SDHAF2: variants seen among roughly 807,000 people sequenced by gnomAD.
The protein encoded by SDHAF2 is succinate dehydrogenase complex assembly factor 2.
SDHAF2 carries 21 observed loss-of-function variants against 18.5 expected under a neutral mutation model. The ratio of observed to expected loss-of-function variants is 1.13; its 90% CI spans 0.80 to 1.63. SDHAF2 has a LOEUF of 1.63. Among genes scored for constraint, SDHAF2 ranks in the 40% most tolerant of loss-of-function variants. SDHAF2 has a pLI of 0.00. For synonymous variants in SDHAF2, 84 were observed against 70.7 expected (o/e 1.19, Z -0.94); for missense variants, 195 against 200.3 (o/e 0.97, Z 0.16).
chr11:61,442,030 G>A (rs1366947055), intron 3 of SDHAF2, among the ~76,000 whole-genome samples: 1 of 151,696 alleles, frequency 6.6e-6, no homozygotes, highest in African/African-American at 2.4e-5. Context: ...ACTACAGGCC[G>A]GCAGCACCAT....
At chr11:61,438,858 A>G (rs1862030018) in intron 3 of SDHAF2, among the ~76,000 whole-genome samples, 1 of 152,094 alleles carries the variant, frequency 6.6e-6, no homozygotes, top group Admixed American at 6.6e-5. Flanking sequence ...CAGCCTGGCC[A>G]ACACAGCGAA....
intron 1 of SDHAF2, 172 bp downstream of exon 1, chr11:61,430,354 C>T (rs1861851177): frequency 4.0e-6 from 3 of 755,432 alleles, no homozygotes. Context: ...CGCTTCCATT[C>T]TTTGGTGAGC....
At chr11:61,444,084 T>A (rs1347340832) in intron 3 of SDHAF2, 1 of 152,274 alleles carries the variant, frequency 6.6e-6, no homozygotes, top group Non-Finnish European at 1.5e-5. Flanking sequence ...GTGTCTGTGG[T>A]TTTATACACT....
At chr11:61,431,098 C>T (rs1255587471) in intron 1 of SDHAF2, 1 of 151,978 alleles carries the variant, frequency 6.6e-6, no homozygotes, top group Admixed American at 6.6e-5. Flanking sequence ...GAACTTGGCT[C>T]ACTGCAACCT....
Position 61,446,717 on chromosome 11 carries a change from A to T in SDHAF2, c.*646A>T, listed in dbSNP as rs965017891. 2.5e-6 allele frequency: 1 copy of T among 399,378 alleles called. No individual in the cohort carries two copies. Among genetic ancestry groups the T allele is most frequent in the Non-Finnish European group, 4.4e-6 (1 of 226,632 alleles). 24.7% of individuals were successfully genotyped at this position (399,378 alleles called of 1,614,324 possible). A position where few individuals can be genotyped will look rare whatever the true frequency, so the allele number is the denominator to read the frequency against. On this transcript the variant is annotated 3_prime_UTR_variant, in exon 4 of 4. Coordinates refer to ENST00000301761, the MANE Select transcript of SDHAF2 (RefSeq NM_017841.4). ...TAATTTGAAAGAGAATTATTAAAGC[A>T]TACTGAAAAAAGGAAATTTACAATT...
chr11:61,430,187 GGAGA>G lies in SDHAF2; in HGVS notation c.36+10_36+13del, dbSNP rs1157688980. 6.2e-7 allele frequency: 1 copy of G among 1,614,228 alleles called. No individual in the cohort carries two copies. On this transcript the variant is annotated splice_donor_region_variant and intron_variant, in intron 1 of 3. Coordinates refer to ENST00000301761, the MANE Select transcript of SDHAF2 (RefSeq NM_017841.4). ...GTGTTCTCGACTTCGTCGCTGGTGA[GGAGA>G]GAGAACGTTCTAGCGTCCGGGGCGG...
Position 61,446,538 on chromosome 11 carries a change from C to T in SDHAF2, c.*467C>T, listed in dbSNP as rs1862140963. ...ACTCCCCACTTCCAACCTGGTATGGCTCCTTCTGCGAAGGGAAGCTGATCC... is the reference window on the plus strand; with the variant it reads ...ACTCCCCACTTCCAACCTGGTATGGTTCCTTCTGCGAAGGGAAGCTGATCC... On this transcript the variant is annotated 3_prime_UTR_variant, in exon 4 of 4. Transcript: ENST00000301761. 2.1e-6 allele frequency: 1 copy of T among 473,122 alleles called. No homozygotes were observed. The highest frequency in any genetic ancestry group is 3.7e-6 in the Non-Finnish European group (1 of 270,112). The allele number at this position is 473,122 out of a possible 1,614,324, so 29.3% of individuals were successfully genotyped here. A position where few individuals can be genotyped will look rare whatever the true frequency, so the allele number is the denominator to read the frequency against.
chr11:61,438,357 AC>A lies in SDHAF2; in HGVS notation c.370+247del, dbSNP rs1157332313. 5.1e-5 allele frequency: 30 copies of A among 584,746 alleles called. No homozygotes were observed. In the East Asian group the frequency reaches 7.9e-4, roughly 15 times the overall value. The allele number at this position is 584,746 out of a possible 1,614,324, so 36.2% of individuals were successfully genotyped here. On this transcript the variant is annotated intron_variant, in intron 3 of 3. Transcript: ENST00000301761. The stretch of plus-strand genomic sequence containing the variant: ...TGGGATTACAGGCATGTGTCACCAC[AC>A]CCGGGTAATTTTATATTTTTAATAG...
intron 3 of SDHAF2, among the ~76,000 whole-genome samples, chr11:61,441,887 CT>C (rs71046723): frequency 5.8e-4 from 81 of 140,646 alleles, no homozygotes; most frequent in South Asian, 9.1e-4. Flanking sequence ...CCACTCCTCC[CT>C]TTTTTTTTTT....
chr11:61,437,628 C>T lies in SDHAF2; in HGVS notation c.40C>T (p.Leu14Phe), dbSNP rs1273048863. 2 of 1,613,250 alleles carry T rather than the reference C, an allele frequency of 1.2e-6. No individual in the cohort carries two copies. The highest frequency in any genetic ancestry group is 1.7e-6 in the Non-Finnish European group (2 of 1,179,292). The change falls in exon 2 of 4, where the codon CTT becomes TTT. Residue 14 changes from leucine (L) to phenylalanine (F), a missense_variant. Leu to Phe is a conservative substitution (Grantham distance 22). Transcript: ENST00000301761. The part of the protein sequence containing the change: ...STVFSTSSLM[L>F]ALSRHSLLSP... The stretch of plus-strand genomic sequence containing the variant: ...GTTTGTGGTTTGTTCATTTCAGATG[C>T]TTGCTCTGTCAAGGCACAGCCTATT...
intron 3 of SDHAF2, 127 bp downstream of exon 3, chr11:61,438,240 C>T: frequency 2.6e-6 from 2 of 769,666 alleles, no homozygotes; most frequent in Non-Finnish European, 2.2e-6. Flanking sequence ...ACTCTCGTTG[C>T]CCAGGCTGGA....
chr11:61,435,289 C>G (rs1482876265), intron 1 of SDHAF2: 1 of 152,032 alleles, frequency 6.6e-6, no homozygotes, highest in East Asian at 1.9e-4. Flanking sequence ...TCATTTTGTT[C>G]AAGCTCAATG....
rs1312422519 is a variant in SDHAF2 at position 61,437,634 on chromosome 11, C to T, written c.46C>T (p.Leu16=). ...GGTTTGTTCATTTCAGATGCTTGCT[C>T]TGTCAAGGCACAGCCTATTGTCTCC... ...VFSTSSLMLA[L]SRHSLLSPLL... is the part of the protein sequence containing the mutation. The change falls in exon 2 of 4, where the codon CTG becomes TTG. Residue 16 remains leucine (L), a synonymous_variant. Coordinates refer to ENST00000301761, the MANE Select transcript of SDHAF2 (RefSeq NM_017841.4). 2 of 1,613,902 alleles carry T rather than the reference C, an allele frequency of 1.2e-6. No homozygotes were observed. Among genetic ancestry groups the T allele is most frequent in the Non-Finnish European group, 1.7e-6 (2 of 1,179,754 alleles).
At chr11:61,437,222 C>T (rs1862004158) in intron 1 of SDHAF2, among the ~76,000 whole-genome samples, 1 of 152,116 alleles carries the variant, frequency 6.6e-6, no homozygotes, top group South Asian at 2.1e-4. Flanking sequence ...GGGATAGGGT[C>T]CGTTGCCCAG....
Position 61,446,730 on chromosome 11 carries a change from G to A in SDHAF2, c.*659G>A, listed in dbSNP as rs1030577602. 7 of 399,014 alleles carry A rather than the reference G, an allele frequency of 1.8e-5. No individual in the cohort carries two copies. Among genetic ancestry groups the A allele is most frequent in the Non-Finnish European group, 2.6e-5 (6 of 226,520 alleles). 24.7% of individuals were successfully genotyped at this position (399,014 alleles called of 1,614,324 possible). A position where few individuals can be genotyped will look rare whatever the true frequency, so the allele number is the denominator to read the frequency against. On this transcript the variant is annotated 3_prime_UTR_variant, in exon 4 of 4. Transcript: ENST00000301761. ...AATTATTAAAGCATACTGAAAAAAG[G>A]AAATTTACAATTTCCCAGCCCTCAC...
intron 3 of SDHAF2, among the ~76,000 whole-genome samples, chr11:61,438,856 C>T (rs1034668965): frequency 6.6e-6 from 1 of 151,980 alleles, no homozygotes; most frequent in African/African-American, 2.4e-5. Context: ...AGCAGCCTGG[C>T]CAACACAGCG....
chr11:61,437,040 G>A (rs1862002429), intron 1 of SDHAF2: 1 of 1,170,794 alleles, frequency 8.5e-7, no homozygotes, highest in African/African-American at 1.6e-5. Context: ...TGCTGGGATA[G>A]TTTCTGGAAA....
At chr11:61,430,396 A>G in intron 1 of SDHAF2, 2 of 633,410 alleles carry the variant, frequency 3.2e-6, no homozygotes, top group South Asian at 3.9e-5. Flanking sequence ...ATATCTGCTT[A>G]AACGATCAGT....
In SDHAF2 at chr11:61,446,180, A is replaced by G; in HGVS notation, c.*109A>G. The G allele has an allele frequency of 8.0e-7, 1 of 1,243,118 alleles. No individual in the cohort carries two copies. 77.0% of individuals were successfully genotyped at this position (1,243,118 alleles called of 1,614,324 possible). ...TAGATGCCCAGCTGCCCTACCCCAG[A>G]CCACTGGTCCTGCCTCAAGTGATGG... On this transcript the variant is annotated 3_prime_UTR_variant, in exon 4 of 4. Coordinates refer to ENST00000301761, the MANE Select transcript of SDHAF2 (RefSeq NM_017841.4).
Sources: gnomAD v4.1 joint callset for allele counts (sites outside exome capture counted in the v4.1 genomes callset) on GRCh38, gnomAD v4.1.1 for gene constraint, MANE v1.5 for transcripts, NCBI Gene and HGNC (gene_info 2026-07-23, HGNC 2026-07-21) for gene names.